FSTL5: variants seen among roughly 807,000 people sequenced by gnomAD.
FSTL5 encodes follistatin-related protein 5.
FSTL5 carries 62 observed loss-of-function variants against 89.1 expected under a neutral mutation model. That is an observed-to-expected ratio of 0.70 (90% CI 0.57 to 0.86). The LOEUF is 0.86. FSTL5 is among the 40% of genes least tolerant of loss of function. FSTL5 has a pLI of 0.00. For synonymous variants in FSTL5, 383 were observed against 346.2 expected, an observed-to-expected ratio of 1.11 and a Z score of -1.18; for missense variants, 1,057 against 1,001.6, an observed-to-expected ratio of 1.06 and a Z score of -0.75.
chr4:161,827,111 G>T (rs1404368984), intron 4 of FSTL5, among the ~76,000 whole-genome samples: 3 of 150,830 alleles, frequency 2.0e-5, no homozygotes, highest in Non-Finnish European at 4.4e-5. Flanking sequence ...TGGGACTCAA[G>T]GGCTGCTCTT....
rs1578901622 is a variant in FSTL5 at position 161,528,818 on chromosome 4, C to G, written c.1312+9348G>C. ...GGAATTAGAAAACCTCAAAGAGAGT[C>G]CTAACATTTTCTCCTGAACACAAGA... On this transcript the variant is annotated intron_variant, in intron 10 of 15. Transcript: ENST00000306100. Among the ~76,000 whole-genome samples the G allele has an allele frequency of 3.5e-5, 5 of 142,954 alleles. 1 individual carries two copies. Among genetic ancestry groups the G allele is most frequent in the Non-Finnish European group, 7.7e-5 (5 of 65,122 alleles). 93.8% of individuals were successfully genotyped at this position (142,954 alleles called of 152,430 possible).
chr4:161,426,990 C>T (rs7699774), intron 15 of FSTL5, among the ~76,000 whole-genome samples: 23,708 of 151,936 alleles, frequency 0.16, 1,991 homozygotes, highest in East Asian at 0.24. Flanking sequence ...ATGTAAATAA[C>T]ATATTATCTA....
intron 4 of FSTL5, among the ~76,000 whole-genome samples, chr4:161,801,862 A>G (rs1729805816): frequency 1.3e-5 from 2 of 151,602 alleles, no homozygotes; most frequent in African/African-American, 4.8e-5. Context: ...TTGTGTCTCT[A>G]TTACTACTAT....
chr4:161,981,713 T>G (rs17597778), intron 3 of FSTL5, among the ~76,000 whole-genome samples: 14,607 of 152,232 alleles, frequency 0.096, 790 homozygotes, highest in East Asian at 0.21. Flanking sequence ...TAAGTTTGGA[T>G]TTTGCCTTTT....
chr4:162,080,603 T>C (rs781175300), intron 2 of FSTL5, among the ~76,000 whole-genome samples: 12 of 151,682 alleles, frequency 7.9e-5, no homozygotes, highest in Non-Finnish European at 1.8e-4. Context: ...AAGTTAGTTA[T>C]AAAGCAATCC....
At chr4:161,837,179 G>A (rs1445793521) in intron 4 of FSTL5, among the ~76,000 whole-genome samples, 2 of 152,062 alleles carry the variant, frequency 1.3e-5, no homozygotes, top group African/African-American at 4.8e-5. Context: ...GTGAAGTTGA[G>A]GTCATCAAAA....
chr4:161,944,809 T>C (rs2110934181), intron 3 of FSTL5, among the ~76,000 whole-genome samples: 1 of 151,900 alleles, frequency 6.6e-6, no homozygotes, highest in Non-Finnish European at 1.5e-5. Context: ...TAATTTTGTT[T>C]GTTTTTATGT....
Position 161,443,627 on chromosome 4 carries a change from T to C in FSTL5, c.1841+11377A>G, listed in dbSNP as rs537602320. Reference sequence around the variant, plus strand: ...TCTTATTGAATAAATGAAGTATGTTTACAACTGATGTAAGGTTGAATGCCT... The same window carrying C: ...TCTTATTGAATAAATGAAGTATGTTCACAACTGATGTAAGGTTGAATGCCT... On this transcript the variant is annotated intron_variant, in intron 15 of 15. Transcript: ENST00000306100. Among the ~76,000 whole-genome samples, 144 of 152,108 alleles carry C rather than the reference T, an allele frequency of 9.5e-4. 4 individuals carry two copies. In the South Asian group the frequency reaches 0.029, roughly 31 times the overall value.
At chr4:161,760,855 A>C (rs1740767796) in intron 5 of FSTL5, among the ~76,000 whole-genome samples, 1 of 151,844 alleles carries the variant, frequency 6.6e-6, no homozygotes, top group African/African-American at 2.4e-5. Flanking sequence ...CTATTTTTTC[A>C]CCTTTTTTGG....
At chr4:161,466,716 A>G (rs2126424891) in intron 13 of FSTL5, among the ~76,000 whole-genome samples, 1 of 152,276 alleles carries the variant, frequency 6.6e-6, no homozygotes, top group South Asian at 2.1e-4. Flanking sequence ...ATGGTGAGAA[A>G]AGCAATAATT....
intron 4 of FSTL5, among the ~76,000 whole-genome samples, chr4:161,827,054 T>G (rs1730690507): frequency 6.6e-6 from 1 of 152,192 alleles, no homozygotes; most frequent in African/African-American, 2.4e-5. Context: ...TAGAGCTCCT[T>G]TTAGCAGTTC....
intron 8 of FSTL5, among the ~76,000 whole-genome samples, chr4:161,547,486 A>C (rs1347663956): frequency 1.3e-5 from 2 of 151,970 alleles, no homozygotes; most frequent in Non-Finnish European, 2.9e-5. Context: ...AAATGTGACA[A>C]GGCATTAGAA....
chr4:161,938,576 T>C (rs1228079085), intron 3 of FSTL5, among the ~76,000 whole-genome samples: 1 of 152,036 alleles, frequency 6.6e-6, no homozygotes, highest in Non-Finnish European at 1.5e-5. Flanking sequence ...ATCTTTTTTG[T>C]ATGATGGTTA....
chr4:162,044,558 C>G (rs549428392), intron 2 of FSTL5, among the ~76,000 whole-genome samples: 1 of 152,234 alleles, frequency 6.6e-6, no homozygotes, highest in Admixed American at 6.5e-5. Flanking sequence ...GCATTAGCCC[C>G]TAACAAGAGA....
At chr4:162,067,705 T>C (rs777863184) in intron 2 of FSTL5, among the ~76,000 whole-genome samples, 4 of 152,034 alleles carry the variant, frequency 2.6e-5, no homozygotes, top group Non-Finnish European at 4.4e-5. Flanking sequence ...GCCAGGGCAA[T>C]CAGGCAAAAG....
chr4:162,023,444 G>T (rs1460312087), intron 3 of FSTL5, among the ~76,000 whole-genome samples: 1 of 152,038 alleles, frequency 6.6e-6, no homozygotes, highest in Non-Finnish European at 1.5e-5. Flanking sequence ...TACCCTTTGG[G>T]CTTAACATCT....
At chr4:161,809,712 A>G (rs1730081577) in intron 4 of FSTL5, among the ~76,000 whole-genome samples, 1 of 152,260 alleles carries the variant, frequency 6.6e-6, no homozygotes, top group African/African-American at 2.4e-5. Context: ...CACTACTCCA[A>G]GTGAAATATC....
chr4:161,897,812 T>C (rs757223746), intron 4 of FSTL5, among the ~76,000 whole-genome samples: 1 of 151,408 alleles, frequency 6.6e-6, no homozygotes, highest in Non-Finnish European at 1.5e-5. Context: ...TATAATGTGA[T>C]ATATACATCA....
chr4:161,476,188 TGTTTG>T (rs1189105405), intron 13 of FSTL5, among the ~76,000 whole-genome samples: 6 of 69,928 alleles, frequency 8.6e-5, no homozygotes, highest in East Asian at 5.6e-4. Flanking sequence ...TTTTTTTTTT[TGTTTG>T]TTTGTTTTTT....
Sources: gnomAD v4.1 joint callset for allele counts (sites outside exome capture counted in the v4.1 genomes callset) on GRCh38, gnomAD v4.1.1 for gene constraint, MANE v1.5 for transcripts, NCBI Gene and HGNC (gene_info 2026-07-23, HGNC 2026-07-21) for gene names.